ZNF462: variants seen among roughly 807,000 people sequenced by gnomAD.
ZNF462 encodes the protein zinc finger protein 462.
Under a neutral mutation model 201.9 loss-of-function variants are expected in ZNF462, and 10 were observed. That is an observed-to-expected ratio of 0.05 (90% CI 0.03 to 0.08). ZNF462 has a LOEUF of 0.08. Among genes scored for constraint, ZNF462 ranks in the 10% least tolerant of loss-of-function variants. The pLI, the probability that ZNF462 is intolerant of heterozygous loss-of-function variation, is 1.00. For missense variants in ZNF462, 2,523 were observed against 3,168.3 expected, an observed-to-expected ratio of 0.80 and a Z score of 4.89; for synonymous variants, 1,227 against 1,193.3, an observed-to-expected ratio of 1.03 and a Z score of -0.58.
chr9:106,885,925 G>A lies in ZNF462; in HGVS notation c.-31+22570G>A, dbSNP rs1587998995. Among the ~76,000 whole-genome samples the A allele has an allele frequency of 6.6e-6, 1 of 152,190 alleles. No individual in the cohort carries two copies. The highest frequency in any genetic ancestry group is 1.9e-4 in the East Asian group (1 of 5,196). ...AGGGGAGGATGCCAGAGAGAGTCAT[G>A]TTCTGATAATTATTTGCTCTTTGGA... On this transcript the variant is annotated intron_variant, in intron 1 of 12. Transcript: ENST00000277225. This position sits in a 1 kb window ranked among gnomAD's most constrained non-coding sequence, Gnocchi z 4.1.
At chr9:106,918,601 T>G (rs1829873250) in intron 1 of ZNF462, among the ~76,000 whole-genome samples, 1 of 152,200 alleles carries the variant, frequency 6.6e-6, no homozygotes, top group Non-Finnish European at 1.5e-5. Context: ...CCAACATTTA[T>G]AAGTTTACTA....
intron 10 of ZNF462, among the ~76,000 whole-genome samples, chr9:106,986,896 A>C (rs935649416): frequency 6.6e-6 from 1 of 152,158 alleles, no homozygotes; most frequent in Non-Finnish European, 1.5e-5. Context: ...TACTTCACTT[A>C]GAATACTAGT....
chr9:106,889,367 T>C (rs2131029577), intron 1 of ZNF462, among the ~76,000 whole-genome samples: 1 of 152,314 alleles, frequency 6.6e-6, no homozygotes, highest in East Asian at 1.9e-4. Flanking sequence ...GGTGTTACTG[T>C]CACTGCTGCT....
intron 1 of ZNF462, among the ~76,000 whole-genome samples, chr9:106,921,452 GAGA>G (rs756032551): frequency 1.3e-5 from 2 of 152,184 alleles, no homozygotes; most frequent in Admixed American, 6.5e-5. Flanking sequence ...CAGACTCCAG[GAGA>G]AGCCATGTTG....
At chr9:106,991,878 AC>A (rs1160225771) in intron 10 of ZNF462, among the ~76,000 whole-genome samples, 4 of 147,670 alleles carry the variant, frequency 2.7e-5, no homozygotes, top group East Asian at 2.0e-4. Flanking sequence ...ACACACACAC[AC>A]ACAACAATCA....
chr9:106,921,462 G>A (rs1829988196), intron 1 of ZNF462, among the ~76,000 whole-genome samples: 2 of 152,242 alleles, frequency 1.3e-5, no homozygotes, highest in South Asian at 4.1e-4. Context: ...GAGAAGCCAT[G>A]TTGTGCACGG....
At chr9:106,891,803 G>A (rs568424352) in intron 1 of ZNF462, among the ~76,000 whole-genome samples, 1 of 152,176 alleles carries the variant, frequency 6.6e-6, no homozygotes, top group African/African-American at 2.4e-5. Flanking sequence ...TCCCATTGTT[G>A]ATCAAGCATA....
rs1564129686 is a variant in ZNF462 at position 106,954,273 on chromosome 9, C to G, written c.6427+15166C>G. ...ATCAAGGTGGAAGGCAAAGGGGGAG[C>G]AAGGCACATCTTATATGGTGGCAGG... On this transcript the variant is annotated intron_variant, in intron 7 of 12. Coordinates refer to ENST00000277225, the MANE Select transcript of ZNF462 (RefSeq NM_021224.6). This position sits in a 1 kb window ranked among gnomAD's most constrained non-coding sequence, Gnocchi z 4.0. 6.6e-6 allele frequency among the ~76,000 whole-genome samples: 1 copy of G among 152,022 alleles called. No homozygotes were observed. Among genetic ancestry groups the G allele is most frequent in the African/African-American group, 2.4e-5 (1 of 41,398 alleles).
chr9:106,875,633 T>G (rs1827796917), intron 1 of ZNF462, among the ~76,000 whole-genome samples: 1 of 152,160 alleles, frequency 6.6e-6, no homozygotes. Flanking sequence ...GAACGTGTCA[T>G]TACTAGGGAC....
At chr9:106,875,994 T>A (rs997543378) in intron 1 of ZNF462, among the ~76,000 whole-genome samples, 1 of 152,226 alleles carries the variant, frequency 6.6e-6, no homozygotes, top group African/African-American at 2.4e-5. Flanking sequence ...CACTTATTTT[T>A]CTCTAAAACA....
chr9:106,969,976 T>C (rs1337626905), intron 7 of ZNF462, among the ~76,000 whole-genome samples: 1 of 152,170 alleles, frequency 6.6e-6, no homozygotes, highest in Non-Finnish European at 1.5e-5. Flanking sequence ...ATTGTGCATG[T>C]GTTTCAAGCA....
chr9:106,869,331 T>C (rs896154527), intron 1 of ZNF462, among the ~76,000 whole-genome samples: 4 of 152,222 alleles, frequency 2.6e-5, no homozygotes, highest in African/African-American at 9.6e-5. Context: ...TGCAGACTAA[T>C]GGCTAACCTT....
chr9:106,959,912 G>C (rs1236666427), intron 7 of ZNF462, among the ~76,000 whole-genome samples: 1 of 152,018 alleles, frequency 6.6e-6, no homozygotes. Flanking sequence ...GGAGTGGGTG[G>C]AGGAGCTATC....
Position 106,984,240 on chromosome 9 carries a change from A to T in ZNF462, c.6887A>T (p.Gln2296Leu), listed in dbSNP as rs773815668. 6.2e-7 allele frequency: 1 copy of T among 1,614,088 alleles called. No homozygotes were observed. Among genetic ancestry groups the T allele is most frequent in the Non-Finnish European group, 8.5e-7 (1 of 1,179,966 alleles). Residue 2296 changes from glutamine (Q) to leucine (L), a missense_variant, in exon 10 of 13, where the codon CAG becomes CTG. Physicochemically the swap from Gln to Leu is moderately radical, Grantham distance 113 (BLOSUM62 -2). Around this residue, in one of 15 missense-constraint regions of ZNF462, gnomAD observed 228 missense variants for 361.2 expected, o/e 0.63. Transcript: ENST00000277225. This position sits in a 1 kb window ranked among gnomAD's most constrained non-coding sequence, Gnocchi z 6.4. The stretch of plus-strand genomic sequence containing the variant: ...CGGTCCAAACTGTCCAAATACTTGC[A>T]GGGAGTAGTTTTCCGCTGTGATAAG... ...VCRSKLSKYL[Q>L]GVVFRCDKCT...
rs1828180786 is a variant in ZNF462, at chr9:106,883,252, G to C, written c.-31+19897G>C. 6.6e-6 allele frequency among the ~76,000 whole-genome samples: 1 copy of C among 152,304 alleles called. No individual in the cohort carries two copies. On this transcript the variant is annotated intron_variant, in intron 1 of 12. Transcript: ENST00000277225. The surrounding 1 kb of genome is among the most constrained non-coding windows in gnomAD (Gnocchi z 4.9). ...AGCAGTTTCCTGTTATTTGGTTAAT[G>C]GTTGACCTAGTTCTAATGCCATATG... is the stretch of plus-strand genomic sequence containing the variant.
At chr9:106,951,846 G>A (rs953712882) in intron 7 of ZNF462, among the ~76,000 whole-genome samples, 7 of 150,418 alleles carry the variant, frequency 4.7e-5, no homozygotes, top group Non-Finnish European at 1.0e-4. Context: ...TCATAACAGT[G>A]TTGTGTTTTT....
Position 106,890,013 on chromosome 9 carries a change from T to C in ZNF462, c.-31+26658T>C, listed in dbSNP as rs1828507282. ...ACTTACACATATCCAGGCCAACTAA[T>C]AGGTGTGACCATTTCTTTGTTTTAT... On this transcript the variant is annotated intron_variant, in intron 1 of 12. Transcript: ENST00000277225. The surrounding 1 kb of genome is among the most constrained non-coding windows in gnomAD (Gnocchi z 4.2). Among the ~76,000 whole-genome samples the C allele has an allele frequency of 2.0e-5, 3 of 152,250 alleles. No individual in the cohort carries two copies. The highest frequency in any genetic ancestry group is 2.0e-4 in the Admixed American group (3 of 15,288).
At chr9:106,892,325 C>T (rs539918437) in intron 1 of ZNF462, among the ~76,000 whole-genome samples, 1 of 152,124 alleles carries the variant, frequency 6.6e-6, no homozygotes, top group Admixed American at 6.5e-5. Context: ...TAGCTATATA[C>T]GTAAGCATAT....
chr9:106,945,342 A>T (rs1831059565), intron 7 of ZNF462, among the ~76,000 whole-genome samples: 1 of 152,228 alleles, frequency 6.6e-6, no homozygotes, highest in Non-Finnish European at 1.5e-5. Context: ...CAACTAAAAA[A>T]TTAAGATCTG....
Sources: allele counts gnomAD v4.1 joint callset (sites outside exome capture counted in the v4.1 genomes callset), GRCh38; gene constraint gnomAD v4.1.1; regional missense constraint gnomAD v4.1.1; non-coding constraint Gnocchi (gnomAD v3.1); transcripts MANE v1.5; gene names NCBI Gene and HGNC (gene_info 2026-07-23, HGNC 2026-07-21).